Variants in FAR1 observed in about 807,000 individuals in gnomAD.
The protein encoded by FAR1 is male sterility domain-containing protein 2.
A neutral mutation model predicts 61.1 loss-of-function variants in FAR1; 22 were observed. That is an observed-to-expected ratio of 0.36 (90% CI 0.26 to 0.51). FAR1 has a LOEUF of 0.51. FAR1 is among the 20% of genes least tolerant of loss of function. FAR1 has a pLI of 0.95. For synonymous variants in FAR1, 206 were observed against 209.7 expected (o/e 0.98, Z 0.15); for missense variants, 359 against 626.9 (o/e 0.57, Z 4.56).
At chr11:13,691,949 C>G (rs1484596249) in intron 1 of FAR1, among the ~76,000 whole-genome samples, 5 of 152,150 alleles carry the variant, frequency 3.3e-5, no homozygotes, top group Non-Finnish European at 7.4e-5. Context: ...GGGTGGATCA[C>G]TTGAGGTCAG....
intron 2 of FAR1, 56 bp downstream of exon 2, chr11:13,695,010 T>G: frequency 7.1e-7 from 1 of 1,411,972 alleles, no homozygotes; most frequent in South Asian, 1.6e-5. Flanking sequence ...CTTGTGTATA[T>G]AATTATTGTA....
rs1251472861 is a variant in FAR1 at position 13,700,497 on chromosome 11, G to C, written c.365+5G>C. On this transcript the variant is annotated splice_donor_5th_base_variant and intron_variant, in intron 3 of 11. Coordinates refer to ENST00000354817, the MANE Select transcript of FAR1 (RefSeq NM_032228.6). The stretch of plus-strand genomic sequence containing the variant: ...AAGGTTTAATGAAAATTTAAGGTAA[G>C]TACAAGTAATTATATAATATTTGAA... 5 of 1,443,176 alleles carry C rather than the reference G, an allele frequency of 3.5e-6. No individual in the cohort carries two copies. The highest frequency in any genetic ancestry group is 4.6e-6 in the Non-Finnish European group (5 of 1,081,316). 89.4% of individuals were successfully genotyped at this position (1,443,176 alleles called of 1,614,324 possible).
At chr11:13,712,554 G>C (rs1366707434) in intron 7 of FAR1, among the ~76,000 whole-genome samples, 1 of 151,002 alleles carries the variant, frequency 6.6e-6, no homozygotes, top group African/African-American at 2.4e-5. Context: ...AGTATTTTCT[G>C]TCCTAAAAAA....
At position 13,728,915 on chromosome 11, in the gene FAR1, A is replaced by G; in HGVS notation, c.*141A>G. The stretch of plus-strand genomic sequence containing the variant: ...TGTGAAGTAAATTATGGTATATTTT[A>G]TGTAACATTTTAATGTTTATGCTCA... On this transcript the variant is annotated 3_prime_UTR_variant, in exon 12 of 12. Transcript: ENST00000354817. The G allele has an allele frequency of 1.3e-6, 1 of 753,356 alleles. No individual in the cohort carries two copies. The highest frequency in any genetic ancestry group is 2.1e-6 in the Non-Finnish European group (1 of 476,402). The allele number at this position is 753,356 out of a possible 1,614,324, so 46.7% of individuals were successfully genotyped here. A position where few individuals can be genotyped will look rare whatever the true frequency, so the allele number is the denominator to read the frequency against.
intron 2 of FAR1, among the ~76,000 whole-genome samples, chr11:13,698,787 C>T (rs1299769398): frequency 6.6e-6 from 1 of 151,330 alleles, no homozygotes; most frequent in Non-Finnish European, 1.5e-5. Flanking sequence ...GCCGAGATCG[C>T]ACCACTGCAC....
At chr11:13,695,066 G>T in intron 2 of FAR1, 112 bp downstream of exon 2, 7 of 882,406 alleles carry the variant, frequency 7.9e-6, no homozygotes, top group South Asian at 4.0e-5. Context: ...GAAAAAATTA[G>T]TAAAACAAAA....
Position 13,708,447 on chromosome 11 carries a change from G to GCACACA in FAR1, c.545+393_545+398dup, listed in dbSNP as rs61253307. On this transcript the variant is annotated intron_variant, in intron 4 of 11. Coordinates refer to ENST00000354817, the MANE Select transcript of FAR1 (RefSeq NM_032228.6). Reference sequence around the variant, plus strand: ...CCCATATACATGTGCGCGCGCGCGCGCACACACACACACACACACACACAC... The same window carrying GCACACA: ...CCCATATACATGTGCGCGCGCGCGCGCACACACACACACACACACACACACACACAC... Among the ~76,000 whole-genome samples, 593 of 136,664 alleles carry GCACACA rather than the reference G, an allele frequency of 4.3e-3. 6 individuals carry two copies. The highest frequency in any genetic ancestry group is 0.011 in the African/African-American group (401 of 36,208). The allele number at this position is 136,664 out of a possible 152,430, so 89.7% of individuals were successfully genotyped here.
chr11:13,700,444 A>G lies in FAR1; in HGVS notation c.317A>G (p.Asn106Ser). The change falls in exon 3 of 12, where the codon AAT (asparagine) becomes AGT (serine). Residue 106 changes from asparagine to serine, a missense_variant. Coordinates refer to ENST00000354817, the MANE Select transcript of FAR1 (RefSeq NM_032228.6). Reference protein sequence around the residue: ...EDKEVIIDSTNIIFHCAATVR... With the variant: ...EDKEVIIDSTSIIFHCAATVR... Reference sequence around the variant, plus strand: ...AAAGAGGTGATCATAGATTCTACCAATATTATATTCCACTGTGCAGCTACA... The same window carrying G: ...AAAGAGGTGATCATAGATTCTACCAGTATTATATTCCACTGTGCAGCTACA... 1.3e-6 allele frequency: 2 copies of G among 1,586,104 alleles called. No homozygotes were observed. The highest frequency in any genetic ancestry group is 1.7e-6 in the Non-Finnish European group (2 of 1,170,082).
chr11:13,700,837 T>G (rs1848362929), intron 3 of FAR1, among the ~76,000 whole-genome samples: 1 of 152,138 alleles, frequency 6.6e-6, no homozygotes, highest in East Asian at 1.9e-4. Flanking sequence ...TTTATTCTTC[T>G]AATCTACATC....
At position 13,711,956 on chromosome 11, in the gene FAR1, G is replaced by T. The variant is rs1169997159; in HGVS notation, c.797G>T (p.Arg266Leu). 1 of 1,613,224 alleles carries T rather than the reference G, an allele frequency of 6.2e-7. No homozygotes were observed. The highest frequency in any genetic ancestry group is 8.5e-7 in the Non-Finnish European group (1 of 1,179,466). Residue 266 changes from arginine to leucine, a missense_variant, in exon 7 of 12, where the codon CGT becomes CTT. By Grantham distance (102) the Arg-to-Leu change is moderately radical (BLOSUM62 -2). Transcript: ENST00000354817. ...AAGKGILRTI[R>L]ASNNALADLV... The stretch of plus-strand genomic sequence containing the variant: ...GGGAAAGGAATTCTTCGAACAATAC[G>T]TGCCTCCAACAATGCCCTTGCAGAT...
At chr11:13,672,686 C>G (rs1226142343) in intron 1 of FAR1, among the ~76,000 whole-genome samples, 3 of 152,086 alleles carry the variant, frequency 2.0e-5, no homozygotes, top group Non-Finnish European at 2.9e-5. Flanking sequence ...TCAGTCCCTA[C>G]TTGGTAAGAG....
rs758483530 is a variant in FAR1, at chr11:13,692,034, G to A, written c.-7-2725G>A. Among the ~76,000 whole-genome samples the A allele has an allele frequency of 1.2e-4, 18 of 152,212 alleles. No individual in the cohort carries two copies. In the East Asian group the frequency reaches 3.5e-3, roughly 29 times the overall value. On this transcript the variant is annotated intron_variant, in intron 1 of 11. Transcript: ENST00000354817. Reference sequence around the variant, plus strand: ...AATACAAAAATTAGCTGGGCGTGGTGGCGGGCACCTGTAGTCCCAGCTACT... The same window carrying A: ...AATACAAAAATTAGCTGGGCGTGGTAGCGGGCACCTGTAGTCCCAGCTACT...
In FAR1 at chr11:13,730,061, ACT is replaced by A. The variant is rs1047973869; in HGVS notation, c.*1290_*1291del. 6.6e-6 allele frequency: 1 copy of A among 152,226 alleles called. No individual in the cohort carries two copies. Among genetic ancestry groups the A allele is most frequent in the African/African-American group, 2.4e-5 (1 of 41,370 alleles). The allele number at this position is 152,226 out of a possible 1,614,324, so 9.4% of individuals were successfully genotyped here. On this transcript the variant is annotated 3_prime_UTR_variant, in exon 12 of 12. Coordinates refer to ENST00000354817, the MANE Select transcript of FAR1 (RefSeq NM_032228.6). Reference sequence around the variant, plus strand: ...AATTCCCTTTTAATCATAATAGTTAACTCTACTTACTGTTTTAACATACATTT... The same window carrying A: ...AATTCCCTTTTAATCATAATAGTTAACTACTTACTGTTTTAACATACATTT...
chr11:13,715,967 A>G (rs974464951), intron 9 of FAR1: 1 of 152,194 alleles, frequency 6.6e-6, no homozygotes, highest in African/African-American at 2.4e-5. Flanking sequence ...TCACTTTTCC[A>G]TGATGTTTCT....
rs568156517 is a variant in FAR1 at position 13,723,722 on chromosome 11, C to T, written c.1257+1863C>T. On this transcript the variant is annotated intron_variant, in intron 10 of 11. Transcript: ENST00000354817. ...TTATTCTGTTCTCCAAATCTTTTAACGTTAATTTCATATTTTGTATCTCAG... is the reference window on the plus strand; with the variant it reads ...TTATTCTGTTCTCCAAATCTTTTAATGTTAATTTCATATTTTGTATCTCAG... Among the ~76,000 whole-genome samples, 6 of 152,172 alleles carry T rather than the reference C, an allele frequency of 3.9e-5. No homozygotes were observed. In the East Asian group the frequency reaches 9.7e-4, roughly 24 times the overall value.
intron 10 of FAR1, among the ~76,000 whole-genome samples, chr11:13,725,670 G>C (rs1191832035): frequency 6.6e-6 from 1 of 152,066 alleles, no homozygotes; most frequent in Non-Finnish European, 1.5e-5. Flanking sequence ...ACACATTGCT[G>C]GTAGAACTAT....
At chr11:13,703,147 A>C (rs925268361) in intron 3 of FAR1, among the ~76,000 whole-genome samples, 1 of 152,130 alleles carries the variant, frequency 6.6e-6, no homozygotes, top group Non-Finnish European at 1.5e-5. Context: ...GCATATAACA[A>C]CTTCGTATGA....
intron 1 of FAR1, among the ~76,000 whole-genome samples, chr11:13,673,660 G>A (rs779787010): frequency 3.3e-5 from 5 of 152,168 alleles, no homozygotes; most frequent in Non-Finnish European, 5.9e-5. Flanking sequence ...AAATGACAGT[G>A]ATTTTTTAGT....
intron 3 of FAR1, among the ~76,000 whole-genome samples, chr11:13,706,403 A>G (rs915530358): frequency 6.6e-5 from 10 of 152,144 alleles, no homozygotes; most frequent in African/African-American, 9.7e-5. Flanking sequence ...GTTTCCTTCA[A>G]ATCATTTGTG....
Sources: allele counts gnomAD v4.1 joint callset (sites outside exome capture counted in the v4.1 genomes callset), GRCh38; gene constraint gnomAD v4.1.1; transcripts MANE v1.5; gene names NCBI Gene and HGNC (gene_info 2026-07-23, HGNC 2026-07-21).